Variants in SEC24A observed in about 807,000 individuals in gnomAD.
SEC24A encodes SEC24 homolog A, COPII component.
A neutral mutation model predicts 129.4 loss-of-function variants in SEC24A; 93 were observed. The ratio of observed to expected loss-of-function variants is 0.72; its 90% confidence interval spans 0.61 to 0.85. SEC24A has a LOEUF of 0.85. SEC24A is among the 40% of genes least tolerant of loss of function. The pLI is 0.00. For missense variants in SEC24A, 1,264 were observed against 1,307.4 expected (o/e 0.97, Z 0.51); for synonymous variants, 460 against 467.3 (o/e 0.98, Z 0.20).
Position 134,666,864 on chromosome 5 carries a change from A to G in SEC24A, c.607A>G (p.Thr203Ala). Reference protein sequence around the residue: ...PPLVNPPLPTTFQPGAPHGPP... With the variant: ...PPLVNPPLPTAFQPGAPHGPP... ...CTTAGTGAATCCACCTCTGCCTACAACTTTTCAACCAGGAGCTCCTCATGG... is the reference window on the plus strand; with the variant it reads ...CTTAGTGAATCCACCTCTGCCTACAGCTTTTCAACCAGGAGCTCCTCATGG... The change falls in exon 3 of 23, where the codon ACT becomes GCT. Residue 203 changes from threonine (T) to alanine (A), a missense_variant. By Grantham distance (58) the Thr-to-Ala change is moderately conservative (BLOSUM62 0). Transcript: ENST00000398844. 2 of 1,614,016 alleles carry G rather than the reference A, an allele frequency of 1.2e-6. No homozygotes were observed. The highest frequency in any genetic ancestry group is 1.1e-5 in the South Asian group (1 of 91,064).
At chr5:134,724,898 G>A in intron 22 of SEC24A, 82 bp from the exon 23 acceptor site, 2 of 722,632 alleles carry the variant, frequency 2.8e-6, no homozygotes, top group South Asian at 3.1e-5. Context: ...TGTTATTAGG[G>A]TTATGAGGAA....
chr5:134,657,084 G>C (rs1277043571), intron 1 of SEC24A, among the ~76,000 whole-genome samples: 1 of 151,784 alleles, frequency 6.6e-6, no homozygotes, highest in African/African-American at 2.4e-5. Context: ...TACTCAAGAG[G>C]GGAGGTGGGA....
At chr5:134,705,092 T>TATATA (rs1561828092) in intron 16 of SEC24A, among the ~76,000 whole-genome samples, 70 of 106,172 alleles carry the variant, frequency 6.6e-4, no homozygotes, top group African/African-American at 2.3e-3. Context: ...ATATATATAT[T>TATATA]TTTTTTTTTT....
At chr5:134,659,047 T>TTTTACTTATTTA (rs1750348715) in intron 1 of SEC24A, among the ~76,000 whole-genome samples, 1 of 138,766 alleles carries the variant, frequency 7.2e-6, no homozygotes, top group Non-Finnish European at 1.5e-5. Flanking sequence ...ACCCATTTAT[T>TTTTACTTATTTA]TTTATTTATT....
In SEC24A at chr5:134,682,473, A is replaced by C; in HGVS notation, c.1482A>C (p.Ser494=). The C allele has an allele frequency of 6.4e-7, 1 of 1,555,736 alleles. No individual in the cohort carries two copies. Among genetic ancestry groups the C allele is most frequent in the Non-Finnish European group, 8.9e-7 (1 of 1,128,196 alleles). The change falls in exon 9 of 23, where the codon TCA becomes TCC. Residue 494 remains serine, a synonymous_variant. Coordinates refer to ENST00000398844, the MANE Select transcript of SEC24A (RefSeq NM_021982.3). ...QNATIEFMAP[S]EYMLRPPQPP... Reference sequence around the variant, plus strand: ...CTACTATTGAGTTTATGGCTCCTTCAGAATACATGGTAAACTTTTATTTTT... The same window carrying C: ...CTACTATTGAGTTTATGGCTCCTTCCGAATACATGGTAAACTTTTATTTTT...
intron 4 of SEC24A, among the ~76,000 whole-genome samples, chr5:134,672,531 T>C (rs1228786409): frequency 6.6e-6 from 1 of 152,024 alleles, no homozygotes; most frequent in Non-Finnish European, 1.5e-5. Context: ...GGTTTCACCA[T>C]GTTACCCAGG....
chr5:134,664,792 C>CTTTTTTTTTTTT (rs70976552), intron 2 of SEC24A, among the ~76,000 whole-genome samples: 5 of 86,204 alleles, frequency 5.8e-5, no homozygotes, highest in Non-Finnish European at 6.5e-5. Flanking sequence ...TTTTCTTTTT[C>CTTTTTTTTTTTT]TTTTTTTTTT....
intron 15 of SEC24A, among the ~76,000 whole-genome samples, chr5:134,700,828 C>T (rs1336309329): frequency 6.6e-6 from 1 of 151,924 alleles, no homozygotes; most frequent in African/African-American, 2.4e-5. Context: ...ACGCCATTCT[C>T]CTGCCTCACC....
chr5:134,652,836 C>T (rs1750109521), intron 1 of SEC24A, among the ~76,000 whole-genome samples: 1 of 152,054 alleles, frequency 6.6e-6, no homozygotes, highest in African/African-American at 2.4e-5. Context: ...ACTCTGTCAC[C>T]CATGCTGGAG....
intron 18 of SEC24A, among the ~76,000 whole-genome samples, chr5:134,713,297 A>G (rs895238829): frequency 6.6e-5 from 10 of 151,932 alleles, no homozygotes; most frequent in African/African-American, 2.4e-4. Context: ...TTCTTGAAAT[A>G]CTTTTTTCTA....
rs1043384704 is a variant in SEC24A, at chr5:134,709,652, G to A, written c.2727+764G>A. On this transcript the variant is annotated intron_variant, in intron 18 of 22. Coordinates refer to ENST00000398844, the MANE Select transcript of SEC24A (RefSeq NM_021982.3). Reference sequence around the variant, plus strand: ...GGGGAGATATTGAACAAAAGGTACAGTGTTTTAGTTAGGAGGAATAAGTGA... The same window carrying A: ...GGGGAGATATTGAACAAAAGGTACAATGTTTTAGTTAGGAGGAATAAGTGA... Among the ~76,000 whole-genome samples, 6 of 152,286 alleles carry A rather than the reference G, an allele frequency of 3.9e-5. No homozygotes were observed. The East Asian group carries it at 7.7e-4, about 20-fold the overall frequency.
intron 1 of SEC24A, among the ~76,000 whole-genome samples, chr5:134,658,496 T>C (rs534039284): frequency 2.0e-4 from 31 of 152,302 alleles, no homozygotes; most frequent in African/African-American, 5.8e-4. Context: ...ACTCCTGGGC[T>C]CAAGCAGTCC....
intron 4 of SEC24A, 119 bp from the exon 5 acceptor site, chr5:134,674,496 C>G: frequency 1.2e-6 from 1 of 821,820 alleles, no homozygotes; most frequent in South Asian, 2.0e-5. Context: ...GTGATTGCAC[C>G]ACTGCACTGC....
chr5:134,657,092 G>A (rs1750274744), intron 1 of SEC24A, among the ~76,000 whole-genome samples: 1 of 151,632 alleles, frequency 6.6e-6, no homozygotes, highest in Admixed American at 6.6e-5. Flanking sequence ...AGGGGAGGTG[G>A]GAGGATCGCT....
intron 17 of SEC24A, among the ~76,000 whole-genome samples, 163 bp downstream of exon 17, chr5:134,705,600 AT>A (rs1752138222): frequency 6.6e-6 from 1 of 152,118 alleles, no homozygotes; most frequent in Admixed American, 6.6e-5. Context: ...AGATAATCTT[AT>A]CTTTTTTGTT....
intron 1 of SEC24A, 61 bp downstream of exon 1, chr5:134,649,234 C>A: frequency 8.0e-7 from 1 of 1,254,640 alleles, no homozygotes; most frequent in Non-Finnish European, 1.1e-6. Flanking sequence ...TTGCGTGCCA[C>A]TGCTGCTTGA....
chr5:134,717,918 A>G (rs188914215), intron 19 of SEC24A, 151 bp from the exon 20 acceptor site: 274 of 527,070 alleles, frequency 5.2e-4, no homozygotes, highest in Admixed American at 2.2e-3. Flanking sequence ...TCCGTCTCAA[A>G]TAAATAAATA....
chr5:134,704,839 A>T (rs1317823194), intron 16 of SEC24A, among the ~76,000 whole-genome samples: 2 of 150,012 alleles, frequency 1.3e-5, no homozygotes, highest in African/African-American at 4.9e-5. Context: ...TTTAATATTT[A>T]TGTACTTATT....
At chr5:134,719,127 A>C (rs977914410) in intron 20 of SEC24A, among the ~76,000 whole-genome samples, 3 of 152,168 alleles carry the variant, frequency 2.0e-5, no homozygotes, top group Non-Finnish European at 4.4e-5. Flanking sequence ...TATGCCTGTA[A>C]TTGCAGCGCT....
Sources: gnomAD v4.1 joint callset for allele counts (sites outside exome capture counted in the v4.1 genomes callset) on GRCh38, gnomAD v4.1.1 for gene constraint, MANE v1.5 for transcripts, NCBI Gene and HGNC (gene_info 2026-07-23, HGNC 2026-07-21) for gene names.